SLC2A9: variants seen among roughly 807,000 people sequenced by gnomAD.
SLC2A9 encodes solute carrier family 2, facilitated glucose transporter member 9.
A neutral mutation model predicts 50.6 loss-of-function variants in SLC2A9; 39 were observed. That is an observed-to-expected ratio of 0.77 (90% CI 0.60 to 1.01). SLC2A9 has a LOEUF of 1.01. SLC2A9 is among the 50% of genes least tolerant of loss of function. The pLI is 0.00. For missense variants in SLC2A9, 686 were observed against 677.6 expected (o/e 1.01, Z -0.14); for synonymous variants, 324 against 276.9 (o/e 1.17, Z -1.69).
chr4:9,807,460 T>C (rs1355400484), intron 3 of SLC2A9, among the ~76,000 whole-genome samples: 1 of 152,166 alleles, frequency 6.6e-6, no homozygotes, highest in Non-Finnish European at 1.5e-5. Flanking sequence ...GCTTCCATGG[T>C]TTATGTTGAG....
intron 8 of SLC2A9, among the ~76,000 whole-genome samples, chr4:9,902,794 T>G (rs968286378): frequency 1.3e-5 from 2 of 152,246 alleles, no homozygotes; most frequent in Non-Finnish European, 2.9e-5. Context: ...GTATCTTACC[T>G]TAACTAATTA....
chr4:9,799,700 C>CCG, intron 3 of SLC2A9, among the ~76,000 whole-genome samples: 2 of 93,636 alleles, frequency 2.1e-5, no homozygotes, highest in South Asian at 9.9e-4. Context: ...GTACCCCCCC[C>CCG]CCACCCAACT....
At chr4:9,868,134 T>A (rs913243745) in intron 10 of SLC2A9, among the ~76,000 whole-genome samples, 1 of 152,226 alleles carries the variant, frequency 6.6e-6, no homozygotes, top group African/African-American at 2.4e-5. Context: ...TCTGTTGTCC[T>A]CCAAGCCCTC....
chr4:9,890,589 G>A (rs1202467934), intron 9 of SLC2A9, 21 bp downstream of exon 9: 1 of 1,611,102 alleles, frequency 6.2e-7, no homozygotes, highest in African/African-American at 1.3e-5. Flanking sequence ...TCCCTCAAAT[G>A]TGACAAGAAC....
At chr4:9,832,530 T>C (rs1391967820) in intron 11 of SLC2A9, among the ~76,000 whole-genome samples, 1 of 152,164 alleles carries the variant, frequency 6.6e-6, no homozygotes, top group Non-Finnish European at 1.5e-5. Flanking sequence ...GTTTCCCGAA[T>C]GACCCCTGAA....
chr4:9,980,901 G>T (rs918683512), intron 4 of SLC2A9, among the ~76,000 whole-genome samples, 164 bp from the exon 5 acceptor site: 3 of 152,206 alleles, frequency 2.0e-5, no homozygotes, highest in African/African-American at 7.2e-5. Flanking sequence ...GCTTTCCCAT[G>T]AACTTTATAA....
At chr4:9,818,559 T>G (rs1034226246) in intron 3 of SLC2A9, among the ~76,000 whole-genome samples, 1 of 152,158 alleles carries the variant, frequency 6.6e-6, no homozygotes, top group Non-Finnish European at 1.5e-5. Context: ...GAGAGAACTT[T>G]GGTTATGATC....
intron 10 of SLC2A9, among the ~76,000 whole-genome samples, chr4:9,854,178 C>A (rs147530507): frequency 6.6e-6 from 1 of 151,860 alleles, no homozygotes; most frequent in Non-Finnish European, 1.5e-5. Flanking sequence ...ACAAAAAATA[C>A]AAAATATCAA....
intron 6 of SLC2A9, among the ~76,000 whole-genome samples, chr4:9,932,233 G>A (rs758690208): frequency 6.6e-6 from 1 of 151,698 alleles, no homozygotes; most frequent in Non-Finnish European, 1.5e-5. Context: ...CTCCAAGAAT[G>A]TACTACAGAG....
chr4:9,985,805 G>C lies in SLC2A9; in HGVS notation c.411-12C>G, dbSNP rs541983117. 6.2e-7 allele frequency: 1 copy of C among 1,613,826 alleles called. No homozygotes were observed. On this transcript the variant is annotated splice_polypyrimidine_tract_variant and intron_variant, in intron 3 of 11. Coordinates refer to ENST00000264784, the MANE Select transcript of SLC2A9 (RefSeq NM_020041.3). The stretch of plus-strand genomic sequence containing the variant: ...GCAAAGTGTGCTTCCTGGAAAGAAA[G>C]GAAAGATTTGATGAAGATGTCTAAC...
intron 5 of SLC2A9, among the ~76,000 whole-genome samples, chr4:9,945,250 C>T (rs1748913492): frequency 6.6e-6 from 1 of 152,208 alleles, no homozygotes; most frequent in African/African-American, 2.4e-5. Context: ...GGCAAGTTAT[C>T]GAAATGCCTA....
chr4:9,788,857 C>T (rs1719551247), intron 3 of SLC2A9, among the ~76,000 whole-genome samples: 2 of 152,276 alleles, frequency 1.3e-5, no homozygotes, highest in Admixed American at 6.5e-5. Flanking sequence ...TGTATATTCC[C>T]TGTCCAAGCC....
upstream of SLC2A9, chr4:10,025,957 T>C (rs1560508361): frequency 3.7e-6 from 6 of 1,614,096 alleles, no homozygotes; most frequent in Non-Finnish European, 5.1e-6. Flanking sequence ...TCCTTTTTAC[T>C]GAGCTTCATG....
intron 3 of SLC2A9, among the ~76,000 whole-genome samples, chr4:9,986,248 A>C (rs1201722171): frequency 6.6e-6 from 1 of 152,168 alleles, no homozygotes; most frequent in African/African-American, 2.4e-5. Flanking sequence ...TGTGGTGCTG[A>C]CACCTCAGGG....
At chr4:9,867,363 G>A (rs1732661740) in intron 10 of SLC2A9, among the ~76,000 whole-genome samples, 1 of 152,222 alleles carries the variant, frequency 6.6e-6, no homozygotes, top group Non-Finnish European at 1.5e-5. Context: ...TGTCAGCTGA[G>A]GCGGCTGGAG....
At chr4:9,904,823 A>G (rs142246395) in intron 8 of SLC2A9, among the ~76,000 whole-genome samples, 71 of 152,240 alleles carry the variant, frequency 4.7e-4, no homozygotes, top group African/African-American at 1.6e-3. Flanking sequence ...ATTTAGTTTC[A>G]TGCCTTTCCA....
At chr4:10,016,078 C>A (rs1480660815) in intron 2 of SLC2A9, among the ~76,000 whole-genome samples, 1 of 152,176 alleles carries the variant, frequency 6.6e-6, no homozygotes, top group East Asian at 1.9e-4. Flanking sequence ...GCATGACGAG[C>A]CGTGGTCTCG....
At chr4:10,020,460 G>A (rs187776922) in intron 1 of SLC2A9, among the ~76,000 whole-genome samples, 26 of 152,280 alleles carry the variant, frequency 1.7e-4, no homozygotes, top group Non-Finnish European at 3.1e-4. Flanking sequence ...GATCACATGC[G>A]GGGGCAAGAG....
intron 10 of SLC2A9, among the ~76,000 whole-genome samples, chr4:9,863,138 T>C (rs1731919326): frequency 6.6e-6 from 1 of 151,864 alleles, no homozygotes; most frequent in East Asian, 1.9e-4. Flanking sequence ...TGATACATAG[T>C]ATGTGTTCAA....
Sources: allele counts gnomAD v4.1 joint callset (sites outside exome capture counted in the v4.1 genomes callset), GRCh38; gene constraint gnomAD v4.1.1; transcripts MANE v1.5; gene names NCBI Gene and HGNC (gene_info 2026-07-23, HGNC 2026-07-21).